Variants in ZNF385D observed in about 807,000 individuals in gnomAD.
ZNF385D encodes the protein zinc finger protein 659.
ZNF385D carries 15 observed loss-of-function variants against 35.8 expected under a neutral mutation model. That is an observed-to-expected ratio of 0.42 (90% confidence interval 0.28 to 0.64). ZNF385D has a LOEUF of 0.64. Ranked by LOEUF, ZNF385D falls within the 30% of genes least tolerant of loss-of-function variation. ZNF385D has a pLI of 0.23. For missense variants in ZNF385D, 474 were observed against 494.6 expected (o/e 0.96, Z 0.39); for synonymous variants, 212 against 186.8 (o/e 1.13, Z -1.10).
chr3:22,088,344 A>C (rs1436899953), intron 3 of ZNF385D, among the ~76,000 whole-genome samples: 2 of 152,326 alleles, frequency 1.3e-5, no homozygotes, highest in Middle Eastern at 3.4e-3. Context: ...AGATAGCTTC[A>C]GAAACATTCC....
At chr3:21,584,157 A>G (rs1044475502) in intron 2 of ZNF385D, among the ~76,000 whole-genome samples, 2 of 151,458 alleles carry the variant, frequency 1.3e-5, no homozygotes, top group African/African-American at 2.4e-5. Flanking sequence ...TATTTTTACT[A>G]TAGACGGGGT....
intron 2 of ZNF385D, among the ~76,000 whole-genome samples, chr3:22,223,190 A>C (rs2125283593): frequency 6.6e-6 from 1 of 152,270 alleles, no homozygotes; most frequent in Non-Finnish European, 1.5e-5. Flanking sequence ...TTTAATTATA[A>C]ATGTGTTCAG....
chr3:22,323,711 T>C (rs1314127585), intron 2 of ZNF385D, among the ~76,000 whole-genome samples: 2 of 152,260 alleles, frequency 1.3e-5, no homozygotes, highest in African/African-American at 2.4e-5. Context: ...ATGAGGATAA[T>C]AGCAGACAAG....
In ZNF385D at chr3:21,417,285, T is replaced by C. The variant is rs1700575946; in HGVS notation, c.*3929A>G. On this transcript the variant is annotated 3_prime_UTR_variant, in exon 8 of 8. Coordinates refer to ENST00000281523, the MANE Select transcript of ZNF385D (RefSeq NM_024697.3). ...TAATCACTGTCATCCATTTTACTGA[T>C]GAAGAAATTAAGGGCAAGGCATTAG... is the stretch of plus-strand genomic sequence containing the variant. 6.6e-6 allele frequency: 1 copy of C among 152,108 alleles called. No homozygotes were observed. Among genetic ancestry groups the C allele is most frequent in the South Asian group, 2.1e-4 (1 of 4,832 alleles). The allele number at this position is 152,108 out of a possible 1,614,324, so 9.4% of individuals were successfully genotyped here.
intron 3 of ZNF385D, among the ~76,000 whole-genome samples, chr3:21,852,591 A>G (rs917158857): frequency 6.6e-6 from 1 of 151,944 alleles, no homozygotes; most frequent in Non-Finnish European, 1.5e-5. Context: ...GCTATACCAC[A>G]TAGCATGAGA....
At chr3:22,098,969 C>T (rs66623455) in intron 3 of ZNF385D, among the ~76,000 whole-genome samples, 35,758 of 151,730 alleles carry the variant, frequency 0.24, 4,607 homozygotes, top group Non-Finnish European at 0.27. Context: ...ATACTCTATA[C>T]TAAGGACATA....
Position 21,850,427 on chromosome 3 carries a change from T to C in ZNF385D, c.326-185399A>G, listed in dbSNP as rs904960747. On this transcript the variant is annotated intron_variant, in intron 3 of 5. Coordinates refer to the ZNF385D transcript ENST00000494108. ...GGCCAAGTGAAGTGCAGTAGTCTCT[T>C]TGAGCTGTAGACACAAAAATCAGAG... 3.7e-4 allele frequency among the ~76,000 whole-genome samples: 56 copies of C among 152,194 alleles called. 1 individual carries two copies. Among genetic ancestry groups the C allele is most frequent in the Admixed American group, 3.0e-3 (46 of 15,264 alleles).
intron 3 of ZNF385D, among the ~76,000 whole-genome samples, chr3:21,555,010 T>C (rs148192074): frequency 6.6e-6 from 1 of 152,338 alleles, no homozygotes; most frequent in African/African-American, 2.4e-5. Flanking sequence ...TTCATGTGTT[T>C]ACTAGAGTAG....
intron 4 of ZNF385D, among the ~76,000 whole-genome samples, chr3:21,450,550 G>A (rs1702397240): frequency 2.0e-5 from 3 of 152,248 alleles, no homozygotes; most frequent in East Asian, 1.9e-4. Flanking sequence ...GGCTAATGGA[G>A]TTGAACTGTA....
At chr3:22,307,762 ACTTT>A (rs1703314481) in intron 2 of ZNF385D, among the ~76,000 whole-genome samples, 1 of 148,938 alleles carries the variant, frequency 6.7e-6, no homozygotes, top group African/African-American at 2.5e-5. Flanking sequence ...AAAAAAAAAA[ACTTT>A]CTTTCTTAGG....
intron 3 of ZNF385D, among the ~76,000 whole-genome samples, chr3:22,009,403 C>G (rs891276608): frequency 6.6e-6 from 1 of 152,002 alleles, no homozygotes; most frequent in Non-Finnish European, 1.5e-5. Context: ...TCAGGCAGAT[C>G]AAGAGGCGAG....
chr3:22,267,251 T>G (rs1700944114), intron 2 of ZNF385D, among the ~76,000 whole-genome samples: 1 of 152,034 alleles, frequency 6.6e-6, no homozygotes, highest in South Asian at 2.1e-4. Context: ...ATAAATAACA[T>G]ACAGAGTATA....
chr3:22,352,859 A>T (rs1695980338), intron 2 of ZNF385D, among the ~76,000 whole-genome samples: 1 of 152,130 alleles, frequency 6.6e-6, no homozygotes. Context: ...ATAATCTTTC[A>T]GTCACTTTCA....
intron 3 of ZNF385D, among the ~76,000 whole-genome samples, chr3:21,930,736 C>T (rs1700965516): frequency 6.6e-6 from 1 of 152,026 alleles, no homozygotes; most frequent in Non-Finnish European, 1.5e-5. Context: ...TGATAGTCTT[C>T]CCAACAAATT....
chr3:22,057,172 C>G (rs1475607095), intron 3 of ZNF385D, among the ~76,000 whole-genome samples: 15 of 152,214 alleles, frequency 9.9e-5, no homozygotes, highest in Admixed American at 9.8e-4. Context: ...GATTTAAAGT[C>G]TAGCTAATCT....
intron 3 of ZNF385D, among the ~76,000 whole-genome samples, chr3:21,808,895 A>T (rs1334656300): frequency 6.6e-6 from 1 of 152,202 alleles, no homozygotes. Flanking sequence ...ACAGATTAAA[A>T]TAGTACCACA....
chr3:21,887,859 T>A (rs2125875858), intron 3 of ZNF385D, among the ~76,000 whole-genome samples: 1 of 152,186 alleles, frequency 6.6e-6, no homozygotes, highest in South Asian at 2.1e-4. Context: ...GTTAATTAAT[T>A]GATAGAATGA....
chr3:21,664,854 C>T lies in ZNF385D; in HGVS notation c.165+32G>A, dbSNP rs768619716. On this transcript the variant is annotated intron_variant, in intron 2 of 7. Coordinates refer to ENST00000281523, the MANE Select transcript of ZNF385D (RefSeq NM_024697.3). ...TAAGTTAGTTTTCCAATACCTTCCA[C>T]TCAGGCAAAGACAAATTTGGCAGGT... The T allele has an allele frequency of 8.7e-6, 14 of 1,612,918 alleles. No individual in the cohort carries two copies. The Admixed American group carries it at 2.0e-4, about 23-fold the overall frequency.
At chr3:22,339,592 T>G (rs562273783) in intron 2 of ZNF385D, among the ~76,000 whole-genome samples, 1 of 152,350 alleles carries the variant, frequency 6.6e-6, no homozygotes, top group South Asian at 2.1e-4. Context: ...CCTTTTCCAT[T>G]TGATGCTCAG....
Sources: gnomAD v4.1 joint callset for allele counts (sites outside exome capture counted in the v4.1 genomes callset) on GRCh38, gnomAD v4.1.1 for gene constraint, MANE v1.5 for transcripts, NCBI Gene and HGNC (gene_info 2026-07-23, HGNC 2026-07-21) for gene names.